The following STAG1 variants were observed in gnomAD, a reference collection of about 807,000 sequenced individuals.
STAG1 encodes the protein STAG1 cohesin complex component.
Under a neutral mutation model 170.9 loss-of-function variants are expected in STAG1, and 26 were observed. The observed-to-expected ratio is 0.15, with a 90% CI of 0.11 to 0.21. The LOEUF is 0.21. Ranked by LOEUF, STAG1 falls within the 10% of genes least tolerant of loss-of-function variation. The pLI is 1.00. For missense variants in STAG1, 964 were observed against 1,509.5 expected, an observed-to-expected ratio of 0.64 and a Z score of 5.99; for synonymous variants, 514 against 497.7, an observed-to-expected ratio of 1.03 and a Z score of -0.44.
chr3:136,657,997 A>G (rs543597001), intron 1 of STAG1, among the ~76,000 whole-genome samples: 75 of 152,322 alleles, frequency 4.9e-4, no homozygotes, highest in Non-Finnish European at 3.2e-4. Flanking sequence ...CTGGCAGACC[A>G]GGACTTATGG....
intron 12 of STAG1, among the ~76,000 whole-genome samples, chr3:136,471,278 A>G (rs2089621465): frequency 6.6e-6 from 1 of 152,212 alleles, no homozygotes; most frequent in South Asian, 2.1e-4. Context: ...GTGATATAAC[A>G]TAGCAAAGTA....
chr3:136,439,219 A>T (rs1475056888), intron 15 of STAG1, among the ~76,000 whole-genome samples: 10 of 102 alleles, frequency 0.098, no homozygotes, highest in Non-Finnish European at 0.14. Flanking sequence ...AAAAACCCAT[A>T]AAAAAAAAAA....
chr3:136,518,172 T>C (rs1412324366), intron 7 of STAG1: 2 of 398,774 alleles, frequency 5.0e-6, no homozygotes, highest in Non-Finnish European at 8.9e-6. Flanking sequence ...AGATTAAAAA[T>C]ACTACTGATA....
chr3:136,555,110 T>C (rs946649987), intron 5 of STAG1, among the ~76,000 whole-genome samples: 2 of 147,838 alleles, frequency 1.4e-5, no homozygotes, highest in Admixed American at 6.8e-5. Context: ...AATATATATA[T>C]TATAAATATA....
chr3:136,372,702 T>C (rs1312142495), intron 23 of STAG1, among the ~76,000 whole-genome samples: 2 of 151,580 alleles, frequency 1.3e-5, no homozygotes, highest in African/African-American at 4.8e-5. Flanking sequence ...TGAAGCCCAC[T>C]TGATCATGGT....
At chr3:136,742,979 A>C (rs1934750502) in intron 1 of STAG1, among the ~76,000 whole-genome samples, 1 of 152,234 alleles carries the variant, frequency 6.6e-6, no homozygotes, top group African/African-American at 2.4e-5. Context: ...TTTAAAAAGC[A>C]GAAACCAATG....
intron 4 of STAG1, among the ~76,000 whole-genome samples, chr3:136,596,531 ATC>A (rs1436312762): frequency 6.6e-6 from 1 of 152,150 alleles, no homozygotes; most frequent in African/African-American, 2.4e-5. Flanking sequence ...AACCCACAAT[ATC>A]TCTGAGGTAT....
intron 1 of STAG1, among the ~76,000 whole-genome samples, chr3:136,676,494 A>G (rs1036611561): frequency 1.3e-5 from 2 of 152,294 alleles, no homozygotes; most frequent in South Asian, 4.1e-4. Context: ...TCACCCAGCT[A>G]AAGTGAAGTG....
At chr3:136,470,748 T>C (rs1357190835) in intron 12 of STAG1, among the ~76,000 whole-genome samples, 2 of 152,096 alleles carry the variant, frequency 1.3e-5, no homozygotes, top group Admixed American at 6.5e-5. Context: ...TGTCCATCAA[T>C]GATAGACTGG....
chr3:136,464,780 C>T, intron 13 of STAG1, 101 bp downstream of exon 13: 2 of 916,092 alleles, frequency 2.2e-6, no homozygotes, highest in Non-Finnish European at 3.3e-6. Context: ...TGGACATTTT[C>T]AGCACTGTGT....
intron 1 of STAG1, among the ~76,000 whole-genome samples, chr3:136,694,349 C>T (rs1222963196): frequency 6.6e-6 from 1 of 152,100 alleles, no homozygotes; most frequent in Non-Finnish European, 1.5e-5. Flanking sequence ...GGTGCAATAA[C>T]TCATGCCTGT....
intron 9 of STAG1, among the ~76,000 whole-genome samples, chr3:136,485,074 T>C (rs983261947): frequency 6.6e-6 from 1 of 152,226 alleles, no homozygotes; most frequent in Non-Finnish European, 1.5e-5. Context: ...ACCGGAGCTG[T>C]TCCTATTCGG....
At chr3:136,745,412 TA>T (rs1398883008) in intron 1 of STAG1, among the ~76,000 whole-genome samples, 1 of 152,174 alleles carries the variant, frequency 6.6e-6, no homozygotes, top group Non-Finnish European at 1.5e-5. Context: ...ACGTTTTTGG[TA>T]CCAGGGACCA....
chr3:136,695,121 T>C (rs915979224), intron 1 of STAG1, among the ~76,000 whole-genome samples: 1 of 152,170 alleles, frequency 6.6e-6, no homozygotes, highest in African/African-American at 2.4e-5. Context: ...AATTTATCTC[T>C]GAGGAAAACA....
intron 1 of STAG1, among the ~76,000 whole-genome samples, chr3:136,747,093 T>TCAAAAAAA (rs1246647616): frequency 1.7e-5 from 1 of 59,340 alleles, no homozygotes; most frequent in Non-Finnish European, 2.9e-5. Context: ...TGAAACTGTC[T>TCAAAAAAA]AAAAAAAAAA....
intron 5 of STAG1, 58 bp downstream of exon 5, chr3:136,568,707 A>C: frequency 8.1e-7 from 1 of 1,234,836 alleles, no homozygotes; most frequent in South Asian, 1.3e-5. Context: ...GGTGAAGTAA[A>C]AGTCACACTG....
intron 4 of STAG1, among the ~76,000 whole-genome samples, chr3:136,590,079 T>C (rs1335100030): frequency 1.3e-5 from 2 of 151,676 alleles, no homozygotes; most frequent in African/African-American, 4.8e-5. Flanking sequence ...GCCAAGATCA[T>C]GCTATTGCAC....
chr3:136,678,868 A>T (rs1246738606), intron 1 of STAG1, among the ~76,000 whole-genome samples: 1 of 149,162 alleles, frequency 6.7e-6, no homozygotes, highest in Non-Finnish European at 1.5e-5. Context: ...AAAAAAAAAG[A>T]AAAAGAAGAA....
chr3:136,620,993 T>C (rs1171037048), intron 3 of STAG1, among the ~76,000 whole-genome samples: 2 of 152,154 alleles, frequency 1.3e-5, no homozygotes, highest in East Asian at 1.9e-4. Context: ...CTGGGTGTGG[T>C]GGCGCACGCC....
Sources: gnomAD v4.1 joint callset for allele counts (sites outside exome capture counted in the v4.1 genomes callset) on GRCh38, gnomAD v4.1.1 for gene constraint, MANE v1.5 for transcripts, NCBI Gene and HGNC (gene_info 2026-07-23, HGNC 2026-07-21) for gene names.